The following GTF2E1 variants were observed in gnomAD, a reference collection of about 807,000 sequenced individuals.
GTF2E1 encodes the protein general transcription factor IIE subunit 1, also known as TFIIE alpha subunit.
GTF2E1 carries 14 observed loss-of-function variants against 34.9 expected under a neutral mutation model. The observed-to-expected ratio is 0.40, with a 90% confidence interval of 0.27 to 0.63. The LOEUF (loss-of-function observed/expected upper bound fraction) is 0.63. Ranked by LOEUF, GTF2E1 falls within the 20% of genes least tolerant of loss-of-function variation. GTF2E1 has a pLI of 0.39. For missense variants in GTF2E1, 469 were observed against 557.7 expected (o/e 0.84, Z 1.60); for synonymous variants, 188 against 192.9 (o/e 0.97, Z 0.21).
chr3:120,772,090 C>T (rs1007175981), intron 3 of GTF2E1, among the ~76,000 whole-genome samples: 10 of 152,100 alleles, frequency 6.6e-5, no homozygotes, highest in African/African-American at 2.4e-4. Context: ...CTAATATGGC[C>T]ATGTATTTCT....
chr3:120,746,553 T>C lies in GTF2E1; in HGVS notation c.-31+3759T>C, dbSNP rs1021554935. Among the ~76,000 whole-genome samples, 6 of 152,058 alleles carry C rather than the reference T, an allele frequency of 3.9e-5. No individual in the cohort carries two copies. In the East Asian group the frequency reaches 7.7e-4, roughly 20 times the overall value. On this transcript the variant is annotated intron_variant, in intron 1 of 4. Coordinates refer to ENST00000283875, the MANE Select transcript of GTF2E1 (RefSeq NM_005513.3). Reference sequence around the variant, plus strand: ...GCTCACATCTGTAATCCCAGCACTTTAGGAAGCCCCCAAGGTAGGTGGATC... The same window carrying C: ...GCTCACATCTGTAATCCCAGCACTTCAGGAAGCCCCCAAGGTAGGTGGATC...
rs761021046 is a variant in GTF2E1, at chr3:120,776,652, G to C, written c.880G>C (p.Asp294His). The change falls in exon 4 of 5, where the codon GAT becomes CAT. Residue 294 changes from aspartate (D) to histidine (H), a missense_variant. Asp to His is a moderately conservative substitution (Grantham distance 81, BLOSUM62 -1). Coordinates refer to ENST00000283875, the MANE Select transcript of GTF2E1 (RefSeq NM_005513.3). Reference sequence around the variant, plus strand: ...TGTCCAAGGGGCATATGGTTCTGAAGATATGAAAGAAGGTAAGAGTAGAAG... The same window carrying C: ...TGTCCAAGGGGCATATGGTTCTGAACATATGAAAGAAGGTAAGAGTAGAAG... ...STVQGAYGSEDMKEGGIDMDA... is the reference protein window; with the variant it reads ...STVQGAYGSEHMKEGGIDMDA... 1 of 1,613,108 alleles carries C rather than the reference G, an allele frequency of 6.2e-7. No individual in the cohort carries two copies. Among genetic ancestry groups the C allele is most frequent in the South Asian group, 1.1e-5 (1 of 91,054 alleles).
chr3:120,766,068 T>G (rs1421349799), intron 2 of GTF2E1, among the ~76,000 whole-genome samples: 1 of 152,228 alleles, frequency 6.6e-6, no homozygotes, highest in East Asian at 1.9e-4. Context: ...CACTACTTAG[T>G]GTAGAATGGT....
intron 3 of GTF2E1, among the ~76,000 whole-genome samples, chr3:120,771,885 T>C (rs1709354296): frequency 6.6e-6 from 1 of 152,232 alleles, no homozygotes; most frequent in Non-Finnish European, 1.5e-5. Context: ...TAGTTGGAAT[T>C]AGAATCCAGT....
Position 120,756,101 on chromosome 3 carries a change from T to G in GTF2E1, c.448+5101T>G, listed in dbSNP as rs142683748. Among the ~76,000 whole-genome samples, 159 of 152,326 alleles carry G rather than the reference T, an allele frequency of 1.0e-3. 1 individual carries two copies. The highest frequency in any genetic ancestry group is 3.7e-3 in the African/African-American group (153 of 41,568). ...AATGCAGATACATCTGATATACTGA[T>G]TTCCTTTCTTTTGGGTATATACTCA... On this transcript the variant is annotated intron_variant, in intron 2 of 4. Coordinates refer to ENST00000283875, the MANE Select transcript of GTF2E1 (RefSeq NM_005513.3).
intron 2 of GTF2E1, among the ~76,000 whole-genome samples, chr3:120,769,818 C>T (rs1209592013): frequency 6.6e-6 from 1 of 152,118 alleles, no homozygotes; most frequent in African/African-American, 2.4e-5. Context: ...CTCTCTTTCT[C>T]ACTTATTTGG....
intron 4 of GTF2E1, among the ~76,000 whole-genome samples, chr3:120,777,332 C>G (rs899132494): frequency 2.0e-5 from 3 of 152,022 alleles, no homozygotes; most frequent in Non-Finnish European, 4.4e-5. Context: ...AAATGGGAGG[C>G]AAAAATGGAT....
chr3:120,767,798 G>C (rs1188273270), intron 2 of GTF2E1, among the ~76,000 whole-genome samples: 1 of 152,132 alleles, frequency 6.6e-6, no homozygotes, highest in Non-Finnish European at 1.5e-5. Context: ...GTTAAGTTTG[G>C]ATGAGATTAG....
chr3:120,750,675 C>T lies in GTF2E1; in HGVS notation c.123C>T (p.Ser41=), dbSNP rs2107605445. 6.2e-7 allele frequency: 1 copy of T among 1,613,976 alleles called. No homozygotes were observed. Among genetic ancestry groups the T allele is most frequent in the Non-Finnish European group, 8.5e-7 (1 of 1,179,912 alleles). Residue 41 remains serine, a synonymous_variant, in exon 2 of 5, where the codon TCC becomes TCT. Coordinates refer to ENST00000283875, the MANE Select transcript of GTF2E1 (RefSeq NM_005513.3). ...CCTTGGACATCTTGATCAGGAACTCCTGTGTGAAAGAGGAGGATATGCTGG... is the reference window on the plus strand; with the variant it reads ...CCTTGGACATCTTGATCAGGAACTCTTGTGTGAAAGAGGAGGATATGCTGG... ...ALALDILIRN[S]CVKEEDMLEL...
intron 4 of GTF2E1, among the ~76,000 whole-genome samples, chr3:120,777,304 G>T (rs1177530923): frequency 6.6e-6 from 1 of 152,150 alleles, no homozygotes; most frequent in East Asian, 1.9e-4. Context: ...GAGTGATGAT[G>T]GTTTAGGAGT....
intron 2 of GTF2E1, among the ~76,000 whole-genome samples, chr3:120,755,881 C>G (rs1709204271): frequency 6.6e-6 from 1 of 152,160 alleles, no homozygotes; most frequent in South Asian, 2.1e-4. Context: ...CCTTCTGTGC[C>G]TGGCTTATTT....
At chr3:120,747,646 C>T (rs1436238519) in intron 1 of GTF2E1, among the ~76,000 whole-genome samples, 1 of 152,080 alleles carries the variant, frequency 6.6e-6, no homozygotes, top group Non-Finnish European at 1.5e-5. Context: ...CCAGTCTATC[C>T]TTGTTGGACA....
intron 2 of GTF2E1, among the ~76,000 whole-genome samples, chr3:120,766,425 AC>A (rs1709308144): frequency 6.6e-6 from 1 of 152,164 alleles, no homozygotes; most frequent in Non-Finnish European, 1.5e-5. Context: ...ATCATTCAAG[AC>A]CAATTTATGG....
In GTF2E1 at chr3:120,782,325, T is replaced by A. The variant is rs1425709299; in HGVS notation, c.*855T>A. The A allele has an allele frequency of 1.3e-5, 2 of 152,272 alleles. No individual in the cohort carries two copies. Among genetic ancestry groups the A allele is most frequent in the Middle Eastern group, 3.4e-3 (1 of 294 alleles). 9.4% of individuals were successfully genotyped at this position (152,272 alleles called of 1,614,324 possible). On this transcript the variant is annotated 3_prime_UTR_variant, in exon 5 of 5. Transcript: ENST00000283875. ...TGGAAGGGGGAGAGATATACTTGAG[T>A]CTTATGATTAATGTCTAAACCAGAA...
At chr3:120,775,203 T>C (rs1483640146) in intron 3 of GTF2E1, among the ~76,000 whole-genome samples, 1 of 151,950 alleles carries the variant, frequency 6.6e-6, no homozygotes, top group African/African-American at 2.4e-5. Flanking sequence ...GGCAAAATAG[T>C]GAATGGCTTA....
At chr3:120,761,281 TTTA>T (rs1367608851) in intron 2 of GTF2E1, among the ~76,000 whole-genome samples, 1 of 152,238 alleles carries the variant, frequency 6.6e-6, no homozygotes, top group Non-Finnish European at 1.5e-5. Context: ...TTTATCGTTT[TTTA>T]TTGCATCTAT....
At chr3:120,747,809 T>C (rs1248353641) in intron 1 of GTF2E1, among the ~76,000 whole-genome samples, 1 of 152,228 alleles carries the variant, frequency 6.6e-6, no homozygotes, top group Non-Finnish European at 1.5e-5. Context: ...TCTAGATCCC[T>C]GAGGAATCGC....
chr3:120,747,111 GT>G (rs889766043), intron 1 of GTF2E1, among the ~76,000 whole-genome samples: 4 of 149,146 alleles, frequency 2.7e-5, no homozygotes, highest in African/African-American at 4.9e-5. Flanking sequence ...TTTTTGTTTT[GT>G]TTTTTTTTGA....
At chr3:120,776,744 C>T in intron 4 of GTF2E1, 80 bp downstream of exon 4, 1 of 1,262,522 alleles carries the variant, frequency 7.9e-7, no homozygotes, top group Non-Finnish European at 1.1e-6. Flanking sequence ...ACTGCCTGGG[C>T]AATTCTGGAT....
Sources: gnomAD v4.1 joint callset for allele counts (sites outside exome capture counted in the v4.1 genomes callset) on GRCh38, gnomAD v4.1.1 for gene constraint, MANE v1.5 for transcripts, NCBI Gene and HGNC (gene_info 2026-07-23, HGNC 2026-07-21) for gene names.